Variants in SCARA3 observed in about 807,000 individuals in gnomAD.
The protein encoded by SCARA3 is cellular stress response gene protein.
SCARA3 carries 39 observed loss-of-function variants against 47.0 expected under a neutral mutation model. The ratio of observed to expected loss-of-function variants is 0.83; its 90% CI spans 0.64 to 1.08. The LOEUF is 1.08. Among genes scored for constraint, SCARA3 ranks in the 50% least tolerant of loss-of-function variants. SCARA3 has a pLI of 0.00. For synonymous variants in SCARA3, 356 were observed against 334.1 expected, an observed-to-expected ratio of 1.07 and a Z score of -0.71; for missense variants, 724 against 792.3, an observed-to-expected ratio of 0.91 and a Z score of 1.04.
chr8:27,665,062 T>C (rs1282016167), intron 5 of SCARA3, among the ~76,000 whole-genome samples: 1 of 152,098 alleles, frequency 6.6e-6, no homozygotes, highest in African/African-American at 2.4e-5. Flanking sequence ...GGCAATGCGG[T>C]CTCCACGTGG....
At chr8:27,652,572 C>A (rs530056610) in intron 3 of SCARA3, among the ~76,000 whole-genome samples, 1 of 152,208 alleles carries the variant, frequency 6.6e-6, no homozygotes, top group South Asian at 2.1e-4. Context: ...CTCGTCCTGG[C>A]CCTGGCTGGA....
the SCARA3 span, among the ~76,000 whole-genome samples, chr8:27,728,330 T>A: frequency 6.6e-6 from 1 of 152,176 alleles, no homozygotes; most frequent in Non-Finnish European, 1.5e-5. Context: ...CAGACAACTA[T>A]GGCACTGACA....
chr8:27,671,308 T>G lies in SCARA3; in HGVS notation c.1778T>G (p.Leu593Arg). The G allele has an allele frequency of 1.4e-6, 2 of 1,430,630 alleles. No homozygotes were observed. Among genetic ancestry groups the G allele is most frequent in the Non-Finnish European group, 1.8e-6 (2 of 1,091,732 alleles). 88.6% of individuals were successfully genotyped at this position (1,430,630 alleles called of 1,614,324 possible). A position where few individuals can be genotyped will look rare whatever the true frequency, so the allele number is the denominator to read the frequency against. ...CCAGGGATCCAGGGTCCCCCTGGTC[T>G]CCCGGGGCCTCCAGGTCCACCAGGA... ...GEPGIQGPPG[L>R]PGPPGPPGSQ... Residue 593 changes from leucine (L) to arginine (R), a missense_variant, in exon 6 of 6, where the codon CTC (leucine) becomes CGC (arginine). Transcript: ENST00000301904.
chr8:27,655,988 C>T (rs1037517579), intron 3 of SCARA3, among the ~76,000 whole-genome samples: 12 of 152,166 alleles, frequency 7.9e-5, no homozygotes, highest in African/African-American at 2.4e-4. Flanking sequence ...CTAGGTCAAT[C>T]GGCAACATCA....
chr8:27,695,440 C>A, the SCARA3 span, among the ~76,000 whole-genome samples: 1 of 152,152 alleles, frequency 6.6e-6, no homozygotes, highest in African/African-American at 2.4e-5. Context: ...TCCATAGTTT[C>A]TAAAGCATGT....
At chr8:27,701,388 C>T in the SCARA3 span, 1 of 152,074 alleles carries the variant, frequency 6.6e-6, no homozygotes, top group Non-Finnish European at 1.5e-5. Flanking sequence ...TCAAAGTCTA[C>T]ATTGAAGTGT....
At chr8:27,692,312 C>T in the SCARA3 span, among the ~76,000 whole-genome samples, 2 of 151,352 alleles carry the variant, frequency 1.3e-5, no homozygotes, top group African/African-American at 2.4e-5. Context: ...CCCAGATACT[C>T]GGGAGGCTGT....
chr8:27,715,665 A>G, the SCARA3 span, among the ~76,000 whole-genome samples: 2 of 152,178 alleles, frequency 1.3e-5, no homozygotes, highest in Non-Finnish European at 2.9e-5. The surrounding 1 kb of genome is among the most constrained non-coding windows in gnomAD (Gnocchi z 4.2). Flanking sequence ...ACAGACAGGA[A>G]CAGACAGACT....
chr8:27,678,412 G>A (rs1053766059), downstream of SCARA3, among the ~76,000 whole-genome samples: 5 of 151,598 alleles, frequency 3.3e-5, no homozygotes, highest in African/African-American at 1.2e-4. Context: ...TGTCAATAAA[G>A]TTGACAACTT....
chr8:27,710,229 C>CAA, the SCARA3 span, among the ~76,000 whole-genome samples: 353 of 105,022 alleles, frequency 3.4e-3, no homozygotes, highest in Non-Finnish European at 5.3e-3. Context: ...GACTCCGTCT[C>CAA]AAAAAAAAAA....
At chr8:27,691,514 T>C in the SCARA3 span, among the ~76,000 whole-genome samples, 1 of 152,036 alleles carries the variant, frequency 6.6e-6, no homozygotes, top group East Asian at 1.9e-4. Context: ...TGGCAGCCCC[T>C]GTGGAGCCAA....
At chr8:27,695,963 C>T in the SCARA3 span, among the ~76,000 whole-genome samples, 24 of 151,858 alleles carry the variant, frequency 1.6e-4, no homozygotes, top group African/African-American at 5.5e-4. Flanking sequence ...ACAAAAATTG[C>T]ACTTATGCAC....
chr8:27,667,385 G>A (rs1022334234), intron 5 of SCARA3, among the ~76,000 whole-genome samples: 7 of 152,154 alleles, frequency 4.6e-5, no homozygotes, highest in Non-Finnish European at 1.0e-4. Context: ...AAGGCTCTGG[G>A]GTCTTCCTCC....
the SCARA3 span, among the ~76,000 whole-genome samples, chr8:27,685,343 T>C: frequency 3.9e-5 from 6 of 152,134 alleles, no homozygotes; most frequent in Non-Finnish European, 8.8e-5. Flanking sequence ...CAGGTCCACA[T>C]AGAAAGACCT....
the SCARA3 span, among the ~76,000 whole-genome samples, chr8:27,710,984 A>G: frequency 7.0e-6 from 1 of 143,530 alleles, no homozygotes; most frequent in Non-Finnish European, 1.5e-5. Context: ...GTGCAGTGGC[A>G]CAATCTCAGC....
chr8:27,642,022 G>A (rs1242772576), intron 1 of SCARA3, among the ~76,000 whole-genome samples: 1 of 152,180 alleles, frequency 6.6e-6, no homozygotes, highest in African/African-American at 2.4e-5. Flanking sequence ...TGAGAAACGT[G>A]GAGTTAAACA....
the SCARA3 span, among the ~76,000 whole-genome samples, chr8:27,711,167 C>T: frequency 6.6e-6 from 1 of 152,122 alleles, no homozygotes. Flanking sequence ...GGTGATCTGC[C>T]CACCGCAGCC....
At chr8:27,667,908 A>G (rs1802053243) in intron 5 of SCARA3, among the ~76,000 whole-genome samples, 1 of 151,834 alleles carries the variant, frequency 6.6e-6, no homozygotes, top group Non-Finnish European at 1.5e-5. Flanking sequence ...CGTCCACTCT[A>G]TCTTCTCCCG....
At chr8:27,717,585 G>A in the SCARA3 span, among the ~76,000 whole-genome samples, 22 of 152,186 alleles carry the variant, frequency 1.4e-4, no homozygotes, top group African/African-American at 5.3e-4. Flanking sequence ...GCGGGTTCAA[G>A]ACCAAACTGG....
Sources: allele counts gnomAD v4.1 joint callset (sites outside exome capture counted in the v4.1 genomes callset), GRCh38; gene constraint gnomAD v4.1.1; non-coding constraint Gnocchi (gnomAD v3.1); transcripts MANE v1.5; gene names NCBI Gene and HGNC (gene_info 2026-07-23, HGNC 2026-07-21).